Variants in MARCHF1 observed in about 807,000 individuals in gnomAD.
The protein encoded by MARCHF1 is membrane associated ring-CH-type finger 1.
A neutral mutation model predicts 54.2 loss-of-function variants in MARCHF1; 40 were observed. The observed-to-expected ratio is 0.74, with a 90% CI of 0.57 to 0.96. The LOEUF (loss-of-function observed/expected upper bound fraction) is 0.96. MARCHF1 is among the 40% of genes least tolerant of loss of function. The pLI is 0.00. For synonymous variants in MARCHF1, 236 were observed against 236.3 expected (o/e 1.00, Z 0.01); for missense variants, 586 against 656.5 (o/e 0.89, Z 1.17).
chr4:164,112,359 G>A (rs993371905), intron 1 of MARCHF1, among the ~76,000 whole-genome samples: 15 of 151,888 alleles, frequency 9.9e-5, no homozygotes, highest in African/African-American at 3.6e-4. Context: ...TTAGTTGAAA[G>A]GGCTAAGGAT....
chr4:164,308,431 A>G (rs1734754259), intron 1 of MARCHF1, among the ~76,000 whole-genome samples: 1 of 151,874 alleles, frequency 6.6e-6, no homozygotes, highest in Admixed American at 6.6e-5. Flanking sequence ...TTTAAATCAC[A>G]CTCCCTGGAG....
At chr4:164,052,540 G>C (rs1414284849) in intron 2 of MARCHF1, among the ~76,000 whole-genome samples, 16 of 151,450 alleles carry the variant, frequency 1.1e-4, no homozygotes, top group Non-Finnish European at 2.9e-5. Flanking sequence ...AAAAAAAAAA[G>C]AGCCTTCCTC....
intron 1 of MARCHF1, among the ~76,000 whole-genome samples, chr4:164,300,123 C>T (rs1485383096): frequency 2.0e-5 from 3 of 152,172 alleles, no homozygotes; most frequent in East Asian, 3.9e-4. Context: ...AAACAATAGG[C>T]ACTCAATTCA....
chr4:163,908,763 C>T (rs1001214874), intron 3 of MARCHF1, among the ~76,000 whole-genome samples: 19 of 152,056 alleles, frequency 1.2e-4, no homozygotes, highest in Admixed American at 5.9e-4. Context: ...TGTAATCCTG[C>T]GAGCATCTCC....
chr4:164,351,948 G>A (rs1468540130), intron 1 of MARCHF1, among the ~76,000 whole-genome samples: 1 of 148,690 alleles, frequency 6.7e-6, no homozygotes, highest in East Asian at 2.0e-4. Context: ...CAAGGCTCGA[G>A]AACTACGTGA....
chr4:164,034,126 T>C (rs1753944976), intron 2 of MARCHF1, among the ~76,000 whole-genome samples: 2 of 107,054 alleles, frequency 1.9e-5, no homozygotes, highest in African/African-American at 2.9e-5. Flanking sequence ...TAGAGATATA[T>C]ACATACCATG....
chr4:164,382,792 T>C (rs184675349), intron 1 of MARCHF1, among the ~76,000 whole-genome samples: 12 of 152,316 alleles, frequency 7.9e-5, no homozygotes, highest in Admixed American at 1.3e-4. Context: ...ATAGCACTTA[T>C]AGGCGAGACA....
At chr4:164,332,528 C>T (rs190983176) in intron 1 of MARCHF1, among the ~76,000 whole-genome samples, 20 of 152,270 alleles carry the variant, frequency 1.3e-4, no homozygotes, top group Non-Finnish European at 2.1e-4. Flanking sequence ...ATGCTGGGTT[C>T]TATGCCCTCT....
At chr4:163,668,628 A>C (rs984980368) in intron 5 of MARCHF1, among the ~76,000 whole-genome samples, 3 of 152,160 alleles carry the variant, frequency 2.0e-5, no homozygotes. Context: ...AGAGCATGTT[A>C]ATTATTGTTG....
intron 4 of MARCHF1, among the ~76,000 whole-genome samples, chr4:163,792,670 G>A (rs1579290740): frequency 1.3e-5 from 2 of 152,120 alleles, no homozygotes; most frequent in South Asian, 4.1e-4. Flanking sequence ...AACATAATCA[G>A]TCAATCCTGA....
chr4:163,619,663 A>G (rs1304730001), intron 5 of MARCHF1, among the ~76,000 whole-genome samples: 1 of 152,050 alleles, frequency 6.6e-6, no homozygotes, highest in Non-Finnish European at 1.5e-5. Flanking sequence ...AGTTAGTGGG[A>G]AAAGGTAGGT....
chr4:164,326,241 T>G (rs1735277798), intron 1 of MARCHF1, among the ~76,000 whole-genome samples: 1 of 152,162 alleles, frequency 6.6e-6, no homozygotes, highest in African/African-American at 2.4e-5. Flanking sequence ...AAATGCAATG[T>G]AAAAGCAGCA....
At chr4:164,147,961 T>G (rs187396174) in intron 1 of MARCHF1, among the ~76,000 whole-genome samples, 2 of 152,126 alleles carry the variant, frequency 1.3e-5, no homozygotes, top group African/African-American at 4.8e-5. Context: ...GTATAATCTA[T>G]AGAATATTCA....
At chr4:163,906,051 A>G (rs1469540455) in intron 3 of MARCHF1, among the ~76,000 whole-genome samples, 2 of 152,204 alleles carry the variant, frequency 1.3e-5, no homozygotes, top group African/African-American at 4.8e-5. Context: ...CTGGTATTCT[A>G]CAGAAAGCTT....
chr4:164,159,746 G>T (rs905100277), intron 1 of MARCHF1, among the ~76,000 whole-genome samples: 1 of 152,152 alleles, frequency 6.6e-6, no homozygotes, highest in Non-Finnish European at 1.5e-5. Context: ...AGTTATCAGC[G>T]ATGGAAAGAA....
intron 7 of MARCHF1, among the ~76,000 whole-genome samples, chr4:163,610,410 AT>A (rs1392435822): frequency 4.6e-5 from 7 of 152,246 alleles, no homozygotes; most frequent in African/African-American, 1.7e-4. Flanking sequence ...AGAAGTCTAA[AT>A]TAAATATCCT....
In MARCHF1 at chr4:164,058,059, G is replaced by A. The variant is rs953150802; in HGVS notation, c.-248+53529C>T. 2.0e-5 allele frequency among the ~76,000 whole-genome samples: 3 copies of A among 152,078 alleles called. No individual in the cohort carries two copies. In the East Asian group the frequency reaches 5.8e-4, roughly 29 times the overall value. ...ACACCACATGTTCTCACTCATAAGT[G>A]GGAGTTGAACAATGAAAACACATGG... On this transcript the variant is annotated intron_variant, in intron 2 of 9. Transcript: ENST00000514618.
intron 3 of MARCHF1, among the ~76,000 whole-genome samples, chr4:163,859,352 G>A (rs1346644324): frequency 6.6e-6 from 1 of 151,488 alleles, no homozygotes; most frequent in Admixed American, 6.6e-5. Flanking sequence ...TTGAGGCAGT[G>A]CAGAGAGAAA....
chr4:164,262,888 G>T lies in MARCHF1; in HGVS notation c.-323+120982C>A, dbSNP rs927013726. ...AGTGATTGAAGTTTAGAATAAATTA[G>T]TAAATATTATGTCCCTCATCCATAG... On this transcript the variant is annotated intron_variant, in intron 1 of 9. Coordinates refer to ENST00000514618, the MANE Select transcript of MARCHF1 (RefSeq NM_001394959.1). 2.0e-5 allele frequency among the ~76,000 whole-genome samples: 3 copies of T among 152,170 alleles called. No homozygotes were observed. The South Asian group carries it at 6.2e-4, about 31-fold the overall frequency.
Sources: allele counts gnomAD v4.1 joint callset (sites outside exome capture counted in the v4.1 genomes callset), GRCh38; gene constraint gnomAD v4.1.1; transcripts MANE v1.5; gene names NCBI Gene and HGNC (gene_info 2026-07-23, HGNC 2026-07-21).